The following TMEM245 variants were observed in gnomAD, a reference collection of about 807,000 sequenced individuals.
TMEM245 encodes transmembrane protein 245, also known as protein CG-2.
TMEM245 carries 69 observed loss-of-function variants against 101.2 expected under a neutral mutation model. That is an observed-to-expected ratio of 0.68 (90% CI 0.56 to 0.83). The LOEUF (loss-of-function observed/expected upper bound fraction) is 0.83. Ranked by LOEUF, TMEM245 falls within the 40% of genes least tolerant of loss-of-function variation. The pLI is 0.00. For synonymous variants in TMEM245, 537 were observed against 449.8 expected (o/e 1.19, Z -2.45); for missense variants, 1,075 against 1,092.8 (o/e 0.98, Z 0.23).
chr9:109,067,779 C>T lies in TMEM245; in HGVS notation c.1533-3212G>A, dbSNP rs150194110. Among the ~76,000 whole-genome samples the T allele has an allele frequency of 3.9e-3, 590 of 152,234 alleles. 4 individuals are homozygous for T. Among genetic ancestry groups the T allele is most frequent in the African/African-American group, 0.014 (570 of 41,534 alleles). ...TCTGTCTAATTTACCCACCAGCTTACGAGGCACATCCAGCAGAAGTCAAGG... is the reference window on the plus strand; with the variant it reads ...TCTGTCTAATTTACCCACCAGCTTATGAGGCACATCCAGCAGAAGTCAAGG... On this transcript the variant is annotated intron_variant, in intron 9 of 17. Coordinates refer to ENST00000374586, the MANE Select transcript of TMEM245 (RefSeq NM_032012.4).
chr9:109,086,669 G>GT (rs1181203687), intron 6 of TMEM245, among the ~76,000 whole-genome samples: 1 of 152,220 alleles, frequency 6.6e-6, no homozygotes, highest in Non-Finnish European at 1.5e-5. Flanking sequence ...TGGATTCATA[G>GT]TCCATGCTCT....
At chr9:109,040,896 T>C (rs192273132) in intron 14 of TMEM245, among the ~76,000 whole-genome samples, 1 of 152,368 alleles carries the variant, frequency 6.6e-6, no homozygotes, top group East Asian at 1.9e-4. Flanking sequence ...AATGCTGCTA[T>C]GAACATTTGT....
intron 8 of TMEM245, among the ~76,000 whole-genome samples, chr9:109,077,142 T>C (rs192851432): frequency 1.3e-5 from 2 of 152,014 alleles, no homozygotes; most frequent in South Asian, 2.1e-4. Flanking sequence ...CCGCGTTTTT[T>C]GGCGTGTTTC....
rs903955802 is a variant in TMEM245 at position 109,085,420 on chromosome 9, T to C, written c.1344+577A>G. ...TACCAATCATGTGAAGCATTTACCATAGACACAACCTCATACCTTGGAGAA... is the reference window on the plus strand; with the variant it reads ...TACCAATCATGTGAAGCATTTACCACAGACACAACCTCATACCTTGGAGAA... On this transcript the variant is annotated intron_variant, in intron 7 of 17. Coordinates refer to ENST00000374586, the MANE Select transcript of TMEM245 (RefSeq NM_032012.4). Among the ~76,000 whole-genome samples the C allele has an allele frequency of 3.9e-5, 6 of 152,352 alleles. No homozygotes were observed. In the East Asian group the frequency reaches 7.7e-4, roughly 20 times the overall value.
Position 109,036,397 on chromosome 9 carries a change from A to T in TMEM245, c.2225-17T>A, listed in dbSNP as rs1201626705. 2 of 1,565,328 alleles carry T rather than the reference A, an allele frequency of 1.3e-6. No individual in the cohort carries two copies. Among genetic ancestry groups the T allele is most frequent in the Middle Eastern group, 1.7e-4 (1 of 5,846 alleles). On this transcript the variant is annotated splice_polypyrimidine_tract_variant and intron_variant, in intron 15 of 17. Coordinates refer to ENST00000374586, the MANE Select transcript of TMEM245 (RefSeq NM_032012.4). ...CTGCTAATGCTGAAAAAAGAGTAAA[A>T]GAAAAACAACTTAACATCATCAGCA...
chr9:109,033,385 A>C lies in TMEM245; in HGVS notation c.2516T>G (p.Ile839Ser). The C allele has an allele frequency of 6.2e-7, 1 of 1,614,174 alleles. No individual in the cohort carries two copies. The highest frequency in any genetic ancestry group is 1.1e-5 in the South Asian group (1 of 91,076). ...LLCILVVASN[I>S]YSAMLVSPTN... ...GGGACTCACTAGCATGGCACTATAG[A>C]TATTGGAAGCAACCACAAGTATGCA... Residue 839 changes from isoleucine (I) to serine (S), a missense_variant, in exon 17 of 18, where the codon ATC (isoleucine) becomes AGC (serine). This residue lies in a region of TMEM245 where 267 missense variants were observed against 351.3 expected (regional missense o/e 0.76). Transcript: ENST00000374586.
At chr9:109,086,661 G>A (rs74922118) in intron 6 of TMEM245, among the ~76,000 whole-genome samples, 1,737 of 152,266 alleles carry the variant, frequency 0.011, 12 homozygotes, top group Non-Finnish European at 0.015. Flanking sequence ...AAACTTCATG[G>A]ATTCATAGTC....
At chr9:109,115,753 C>T (rs1247152078) in intron 1 of TMEM245, among the ~76,000 whole-genome samples, 1 of 152,054 alleles carries the variant, frequency 6.6e-6, no homozygotes, top group Non-Finnish European at 1.5e-5. Flanking sequence ...TGGTCTCGAA[C>T]TCCTGACCTC....
At chr9:109,070,049 T>A (rs895153644) in intron 9 of TMEM245, among the ~76,000 whole-genome samples, 1 of 152,240 alleles carries the variant, frequency 6.6e-6, no homozygotes, top group African/African-American at 2.4e-5. Flanking sequence ...ATTCTCATTT[T>A]CCTTTGTGAA....
chr9:109,099,662 A>G (rs191554297), intron 3 of TMEM245, among the ~76,000 whole-genome samples: 1 of 152,322 alleles, frequency 6.6e-6, no homozygotes, highest in East Asian at 1.9e-4. Flanking sequence ...ATTTTTAAAG[A>G]GTCTAACACA....
chr9:109,119,536 C>T lies in TMEM245; in HGVS notation c.378G>A (p.Leu126=), dbSNP rs1274877857. The T allele has an allele frequency of 6.5e-7, 1 of 1,530,808 alleles. No homozygotes were observed. The highest frequency in any genetic ancestry group is 2.6e-5 in the East Asian group (1 of 39,094). 94.8% of individuals were successfully genotyped at this position (1,530,808 alleles called of 1,614,324 possible). The stretch of plus-strand genomic sequence containing the variant: ...CGCCGTAGTCGACGAAGCAGAGCGG[C>T]AGGAGCAGCGCGGCCAGGACGATGG... ...HTPIVLAALL[L]PLCFVDYGVE... is the part of the protein sequence containing the mutation. The change falls in exon 1 of 18, where the codon CTG becomes CTA. Residue 126 remains leucine, a synonymous_variant. Coordinates refer to ENST00000374586, the MANE Select transcript of TMEM245 (RefSeq NM_032012.4).
rs1204065520 is a variant in TMEM245, at chr9:109,017,627, G to A, written c.*2833C>T. On this transcript the variant is annotated 3_prime_UTR_variant, in exon 18 of 18. Coordinates refer to ENST00000374586, the MANE Select transcript of TMEM245 (RefSeq NM_032012.4). ...CTAATCTTTAATAAATCTATAAAAT[G>A]CAAGATATTATGACCAAGTTCTGTA... 1 of 152,168 alleles carries A rather than the reference G, an allele frequency of 6.6e-6. No individual in the cohort carries two copies. Among genetic ancestry groups the A allele is most frequent in the African/African-American group, 2.4e-5 (1 of 41,432 alleles). The allele number at this position is 152,168 out of a possible 1,614,324, so 9.4% of individuals were successfully genotyped here. A position where few individuals can be genotyped will look rare whatever the true frequency, so the allele number is the denominator to read the frequency against.
chr9:109,026,939 G>T (rs1361439852), intron 17 of TMEM245, among the ~76,000 whole-genome samples: 1 of 152,018 alleles, frequency 6.6e-6, no homozygotes, highest in East Asian at 1.9e-4. Context: ...GTTTCCTGGG[G>T]CCTCACCAGA....
At chr9:109,025,613 G>A (rs1827769375) in intron 17 of TMEM245, among the ~76,000 whole-genome samples, 1 of 152,108 alleles carries the variant, frequency 6.6e-6, no homozygotes, top group African/African-American at 2.4e-5. Flanking sequence ...TGCCTTACAG[G>A]ATTTTCTGGG....
intron 1 of TMEM245, among the ~76,000 whole-genome samples, chr9:109,117,983 C>G (rs1830773524): frequency 6.6e-6 from 1 of 152,246 alleles, no homozygotes; most frequent in South Asian, 2.1e-4. Context: ...AAGTGAACCA[C>G]AGATTTGCTC....
intron 17 of TMEM245, among the ~76,000 whole-genome samples, chr9:109,025,615 T>C (rs538880986): frequency 6.6e-6 from 1 of 152,298 alleles, no homozygotes; most frequent in East Asian, 1.9e-4. Flanking sequence ...CCTTACAGGA[T>C]TTTCTGGGCT....
chr9:109,119,256 G>A lies in TMEM245; in HGVS notation c.579+79C>T, dbSNP rs1282772926. 3.6e-6 allele frequency: 5 copies of A among 1,375,950 alleles called. No individual in the cohort carries two copies. In the African/African-American group the frequency reaches 4.5e-5, roughly 12 times the overall value. 85.2% of individuals were successfully genotyped at this position (1,375,950 alleles called of 1,614,324 possible). A position where few individuals can be genotyped will look rare whatever the true frequency, so the allele number is the denominator to read the frequency against. ...TGTGGCCCCTCGTCGCCCCTGCACCGGGAGGAACAGCTGCAGGATTGCACC... is the reference window on the plus strand; with the variant it reads ...TGTGGCCCCTCGTCGCCCCTGCACCAGGAGGAACAGCTGCAGGATTGCACC... On this transcript the variant is annotated intron_variant, in intron 1 of 17. Coordinates refer to ENST00000374586, the MANE Select transcript of TMEM245 (RefSeq NM_032012.4).
At chr9:109,051,115 A>C (rs1005368275) in intron 12 of TMEM245, among the ~76,000 whole-genome samples, 2 of 151,956 alleles carry the variant, frequency 1.3e-5, no homozygotes, top group African/African-American at 4.8e-5. Context: ...ACATAGTAAA[A>C]CCCTGTCTCT....
intron 14 of TMEM245, 160 bp from the exon 15 acceptor site, chr9:109,038,277 CTTACT>C (rs1015513665): frequency 2.1e-6 from 1 of 480,222 alleles, no homozygotes; most frequent in Non-Finnish European, 3.7e-6. Flanking sequence ...ACATAAACAC[CTTACT>C]TTAAATACAT....
Sources: allele counts gnomAD v4.1 joint callset (sites outside exome capture counted in the v4.1 genomes callset), GRCh38; gene constraint gnomAD v4.1.1; regional missense constraint gnomAD v4.1.1; transcripts MANE v1.5; gene names NCBI Gene and HGNC (gene_info 2026-07-23, HGNC 2026-07-21).